The following SCARF2 variants were observed in gnomAD, a reference collection of about 807,000 sequenced individuals.
The protein encoded by SCARF2 is scavenger receptor expressed by endothelial cells 2 protein.
SCARF2 carries 39 observed loss-of-function variants against 73.4 expected under a neutral mutation model. The observed-to-expected ratio is 0.53, with a 90% confidence interval of 0.41 to 0.69. The LOEUF (loss-of-function observed/expected upper bound fraction) is 0.69, where lower values mean the gene tolerates loss of function less well. Among genes scored for constraint, SCARF2 ranks in the 30% least tolerant of loss-of-function variants. The pLI is 0.00. For synonymous variants in SCARF2, 605 were observed against 590.0 expected (o/e 1.03, Z -0.37); for missense variants, 1,148 against 1,303.5 (o/e 0.88, Z 1.84).
In SCARF2 at chr22:20,429,368, G is replaced by A. The variant is rs570284932; in HGVS notation, c.1425-28C>T. The A allele has an allele frequency of 6.3e-7, 1 of 1,576,334 alleles. No homozygotes were observed. The highest frequency in any genetic ancestry group is 8.6e-7 in the Non-Finnish European group (1 of 1,159,398). On this transcript the variant is annotated intron_variant, in intron 8 of 10. Coordinates refer to ENST00000622235, the MANE Select transcript of SCARF2 (RefSeq NM_182895.5). The surrounding 1 kb of genome is among the most constrained non-coding windows in gnomAD (Gnocchi z 5.2). ...GCGGGGGCGGGGTCTGAGCGGAGGG[G>A]CGGGGCCGGGGCGGGGCCCAGGGGC...
rs887463993 is a variant in SCARF2, at chr22:20,431,387, G to C, written c.485C>G (p.Thr162Arg). ...CEHACQCQHG[T>R]CHPRSGACRC... The stretch of plus-strand genomic sequence containing the variant: ...GCACGCGCCGCTCCGCGGGTGGCAC[G>C]TGCCGTGCTGGCACTGGCACGCATG... The change falls in exon 4 of 11, where the codon ACG (threonine) becomes AGG (arginine). Residue 162 changes from threonine (T) to arginine (R), a missense_variant. Thr to Arg is a moderately conservative substitution (Grantham distance 71). This residue lies in a region of SCARF2 where 372 missense variants were observed against 532.0 expected (regional missense o/e 0.70). Coordinates refer to ENST00000622235, the MANE Select transcript of SCARF2 (RefSeq NM_182895.5). 1.3e-6 allele frequency: 2 copies of C among 1,526,700 alleles called. No individual in the cohort carries two copies. Among genetic ancestry groups the C allele is most frequent in the Non-Finnish European group, 1.7e-6 (2 of 1,142,944 alleles). The allele number at this position is 1,526,700 out of a possible 1,614,324, so 94.6% of individuals were successfully genotyped here. A position where few individuals can be genotyped will look rare whatever the true frequency, so the allele number is the denominator to read the frequency against.
In SCARF2 at chr22:20,430,569, G is replaced by A. The variant is rs2052632293; in HGVS notation, c.1074-12C>T. On this transcript the variant is annotated splice_polypyrimidine_tract_variant and intron_variant, in intron 5 of 10. Coordinates refer to ENST00000622235, the MANE Select transcript of SCARF2 (RefSeq NM_182895.5). Reference sequence around the variant, plus strand: ...ACTTGGTCTCGCACCTTGGAAAGAGGGGAGGAGGCGTCAGCAGAAATGGAG... The same window carrying A: ...ACTTGGTCTCGCACCTTGGAAAGAGAGGAGGAGGCGTCAGCAGAAATGGAG... The A allele has an allele frequency of 1.2e-6, 2 of 1,611,904 alleles. No homozygotes were observed. Among genetic ancestry groups the A allele is most frequent in the Non-Finnish European group, 8.5e-7 (1 of 1,179,400 alleles).
Position 20,430,548 on chromosome 22 carries a change from G to T in SCARF2, c.1083C>A (p.Thr361=), listed in dbSNP as rs1286602083. The change falls in exon 6 of 11, where the codon ACC becomes ACA. Residue 361 remains threonine (T), a synonymous_variant. Coordinates refer to ENST00000622235, the MANE Select transcript of SCARF2 (RefSeq NM_182895.5). ...NAGWIGDRCE[T]KCSNGTYGED... ...CGCCGTAAGTGCCATTGCTACACTT[G>T]GTCTCGCACCTTGGAAAGAGGGGAG... is the stretch of plus-strand genomic sequence containing the variant. The T allele has an allele frequency of 2.5e-6, 4 of 1,611,718 alleles. No homozygotes were observed. In the African/African-American group the frequency reaches 5.3e-5, roughly 21 times the overall value.
chr22:20,431,788 C>T lies in SCARF2; in HGVS notation c.291G>A (p.Glu97=), dbSNP rs369883055. 32 of 1,594,076 alleles carry T rather than the reference C, an allele frequency of 2.0e-5. No homozygotes were observed. In the South Asian group the frequency reaches 3.0e-4, roughly 15 times the overall value. Residue 97 remains glutamate, a synonymous_variant, in exon 3 of 11, where the codon GAG becomes GAA. Transcript: ENST00000622235. The part of the protein sequence containing the change: ...SENEVCVRPG[E]CRCRHGYFGA... ...CGAAGTAGCCGTGGCGGCAGCGGCA[C>T]TCGCCAGGCCTCACGCACACCTCGT...
intron 9 of SCARF2, among the ~76,000 whole-genome samples, chr22:20,428,135 C>T (rs2052600207): frequency 6.6e-6 from 1 of 152,192 alleles, no homozygotes; most frequent in Non-Finnish European, 1.5e-5. Flanking sequence ...AGATGCCATG[C>T]TGCTAGGTGG....
At chr22:20,434,613 C>G (rs572498176) in intron 1 of SCARF2, among the ~76,000 whole-genome samples, 4 of 152,202 alleles carry the variant, frequency 2.6e-5, no homozygotes, top group Non-Finnish European at 5.9e-5. Context: ...CTTACAAAGA[C>G]GGGTGGGGAA....
intron 1 of SCARF2, among the ~76,000 whole-genome samples, chr22:20,434,948 C>T (rs1010344854): frequency 1.3e-5 from 2 of 152,224 alleles, no homozygotes; most frequent in East Asian, 3.9e-4. Context: ...TCCCCATCCT[C>T]AGATCTCTCT....
chr22:20,430,280 C>G, intron 6 of SCARF2, 149 bp downstream of exon 6: 1 of 1,009,304 alleles, frequency 9.9e-7, no homozygotes, highest in Non-Finnish European at 1.4e-6. Context: ...AAACTGCCCC[C>G]AAAGAGCCTA....
At chr22:20,428,351 G>T (rs1388003613) in intron 9 of SCARF2, among the ~76,000 whole-genome samples, 1 of 151,528 alleles carries the variant, frequency 6.6e-6, no homozygotes, top group Non-Finnish European at 1.5e-5. Context: ...GCAATGGTGC[G>T]ATCTCGGCTC....
intron 1 of SCARF2, among the ~76,000 whole-genome samples, chr22:20,436,582 C>A (rs1162444621): frequency 6.6e-6 from 1 of 151,996 alleles, no homozygotes; most frequent in Non-Finnish European, 1.5e-5. Context: ...TTGTCTCTGG[C>A]GCCGAGCCCC....
intron 9 of SCARF2, 31 bp from the exon 10 acceptor site, chr22:20,427,581 G>A (rs370255896): frequency 2.7e-5 from 44 of 1,610,530 alleles, no homozygotes; most frequent in Non-Finnish European, 3.5e-5. Context: ...GCTGCCAGGG[G>A]TCCACTCTGC....
intron 10 of SCARF2, among the ~76,000 whole-genome samples, 190 bp from the exon 11 acceptor site, chr22:20,426,472 ACT>A (rs1182747428): frequency 6.6e-6 from 1 of 152,064 alleles, no homozygotes; most frequent in Non-Finnish European, 1.5e-5. Context: ...TATGCGGCTG[ACT>A]CTGAACTCAG....
chr22:20,426,126 C>A lies in SCARF2; in HGVS notation c.1850G>T (p.Gly617Val). Residue 617 changes from glycine (G) to valine (V), a missense_variant, in exon 11 of 11, where the codon GGG (glycine) becomes GTG (valine). Physicochemically the swap from Gly to Val is moderately radical, Grantham distance 109. Coordinates refer to ENST00000622235, the MANE Select transcript of SCARF2 (RefSeq NM_182895.5). The stretch of plus-strand genomic sequence containing the variant: ...GCGCGCGTACAGAGCCCCTCCGGGC[C>A]CCTCCACGCTGGACGCCGACCGCTC... ...DSERSASSVE[G>V]PGGALYARVA... 1 of 1,468,462 alleles carries A rather than the reference C, an allele frequency of 6.8e-7. No individual in the cohort carries two copies. The highest frequency in any genetic ancestry group is 1.4e-5 in the South Asian group (1 of 73,480). 91.0% of individuals were successfully genotyped at this position (1,468,462 alleles called of 1,614,324 possible).
chr22:20,435,196 G>A (rs1484356012), intron 1 of SCARF2, among the ~76,000 whole-genome samples: 2 of 152,224 alleles, frequency 1.3e-5, no homozygotes, highest in Non-Finnish European at 2.9e-5. Flanking sequence ...AGGCTGGGAA[G>A]CTGAGACCTG....
intron 9 of SCARF2, among the ~76,000 whole-genome samples, chr22:20,427,807 A>G (rs562070817): frequency 6.6e-6 from 1 of 152,322 alleles, no homozygotes; most frequent in East Asian, 1.9e-4. Flanking sequence ...GGAGCTGGAA[A>G]AGGTTGGGCT....
chr22:20,429,821 C>T lies in SCARF2; in HGVS notation c.1215G>A (p.Thr405=), dbSNP rs1601298480. 4.3e-6 allele frequency: 7 copies of T among 1,612,784 alleles called. No individual in the cohort carries two copies. The highest frequency in any genetic ancestry group is 5.9e-6 in the Non-Finnish European group (7 of 1,179,754). ...CCGCGCCGTGGAGTCCGGGCGGGCA[C>T]GTCACGTTACAGCTGCCGGGACATA... ...PGVHGPHCNV[T]CPPGLHGADC... The change falls in exon 7 of 11, where the codon ACG becomes ACA. Residue 405 remains threonine (T), a synonymous_variant. Coordinates refer to ENST00000622235, the MANE Select transcript of SCARF2 (RefSeq NM_182895.5). This position sits in a 1 kb window ranked among gnomAD's most constrained non-coding sequence, Gnocchi z 5.2.
intron 6 of SCARF2, 79 bp downstream of exon 6, chr22:20,430,350 G>A (rs534538981): frequency 2.0e-6 from 3 of 1,499,196 alleles, no homozygotes; most frequent in South Asian, 1.2e-5. Flanking sequence ...GCTCAGGGTG[G>A]AGAGGCCACC....
rs1344193377 is a variant in SCARF2 at position 20,426,149 on chromosome 22, C to T, written c.1827G>A (p.Glu609=). ...AIPLPASSDS[E]RSASSVEGPG... ...GCCCCTCCACGCTGGACGCCGACCG[C>T]TCGCTGTCGGAGGACGCGGGGAGGG... The change falls in exon 11 of 11, where the codon GAG becomes GAA. Residue 609 remains glutamate (E), a synonymous_variant. Coordinates refer to ENST00000622235, the MANE Select transcript of SCARF2 (RefSeq NM_182895.5). 1.4e-6 allele frequency: 2 copies of T among 1,471,698 alleles called. No homozygotes were observed. The highest frequency in any genetic ancestry group is 4.8e-5 in the Admixed American group (2 of 41,344). 91.2% of individuals were successfully genotyped at this position (1,471,698 alleles called of 1,614,324 possible).
Position 20,425,731 on chromosome 22 carries a change from CG to C in SCARF2, c.2244del (p.Gly749AlafsTer190). On this transcript the variant is annotated frameshift_variant, in exon 11 of 11. Transcript: ENST00000622235. LOFTEE classifies it low-confidence loss of function (END_TRUNC). This position sits in a 1 kb window ranked among gnomAD's most constrained non-coding sequence, Gnocchi z 4.6. ...PPRARARGRG[P>X]GLLEPTDAGG... ...CCGGCGTCCGTGGGCTCCAAGAGGC[CG>C]GGGCCGCGGCCCCGCGCTCGGGCCC... 8.1e-7 allele frequency: 1 copy of C among 1,231,346 alleles called. No homozygotes were observed. Among genetic ancestry groups the C allele is most frequent in the Non-Finnish European group, 1.0e-6 (1 of 990,684 alleles). The allele number at this position is 1,231,346 out of a possible 1,614,324, so 76.3% of individuals were successfully genotyped here.
Sources: allele counts gnomAD v4.1 joint callset (sites outside exome capture counted in the v4.1 genomes callset), GRCh38; gene constraint gnomAD v4.1.1; regional missense constraint gnomAD v4.1.1; non-coding constraint Gnocchi (gnomAD v3.1); transcripts MANE v1.5; gene names NCBI Gene and HGNC (gene_info 2026-07-23, HGNC 2026-07-21).